ADIPOR2: variants seen among roughly 807,000 people sequenced by gnomAD.
ADIPOR2 encodes adiponectin receptor protein 2.
A neutral mutation model predicts 40.9 loss-of-function variants in ADIPOR2; 18 were observed. The ratio of observed to expected loss-of-function variants is 0.44; its 90% CI spans 0.30 to 0.65. ADIPOR2 has a LOEUF of 0.65. Among genes scored for constraint, ADIPOR2 ranks in the 30% least tolerant of loss-of-function variants. The pLI is 0.09. For missense variants in ADIPOR2, 283 were observed against 479.2 expected (o/e 0.59, Z 3.82); for synonymous variants, 165 against 166.4 (o/e 0.99, Z 0.06).
At chr12:1,771,426 G>A (rs1862492546) in intron 2 of ADIPOR2, among the ~76,000 whole-genome samples, 2 of 152,010 alleles carry the variant, frequency 1.3e-5, no homozygotes, top group South Asian at 4.2e-4. Flanking sequence ...CTTGTGGGTA[G>A]CAGTAATGAA....
intron 1 of ADIPOR2, among the ~76,000 whole-genome samples, chr12:1,752,136 G>A (rs2094770654): frequency 6.7e-6 from 1 of 150,174 alleles, no homozygotes; most frequent in South Asian, 2.1e-4. Context: ...TCACCATGTT[G>A]GCCAGGATGG....
intron 2 of ADIPOR2, among the ~76,000 whole-genome samples, chr12:1,761,775 A>G (rs1305340881): frequency 6.6e-6 from 1 of 152,096 alleles, no homozygotes; most frequent in Non-Finnish European, 1.5e-5. Context: ...CTAAGCCACC[A>G]CCATCTTCCA....
At chr12:1,767,697 A>G (rs189337343) in intron 2 of ADIPOR2, among the ~76,000 whole-genome samples, 4 of 152,336 alleles carry the variant, frequency 2.6e-5, no homozygotes, top group Non-Finnish European at 1.5e-5. Flanking sequence ...ACACTGCCCT[A>G]AAGAGTCCTA....
intron 2 of ADIPOR2, among the ~76,000 whole-genome samples, chr12:1,760,446 C>T (rs957038241): frequency 1.1e-4 from 16 of 152,188 alleles, no homozygotes; most frequent in African/African-American, 3.9e-4. Context: ...TTTTATCATC[C>T]CCTAAAGAAA....
intron 1 of ADIPOR2, among the ~76,000 whole-genome samples, chr12:1,691,592 C>T (rs2094627210): frequency 6.6e-6 from 1 of 152,212 alleles, no homozygotes; most frequent in Non-Finnish European, 1.5e-5. Context: ...CTGTTTTTAT[C>T]ACTTCTAGGA....
chr12:1,721,205 CTTTTTTTTTTT>C lies in ADIPOR2; in HGVS notation c.-87+30034_-87+30044del, dbSNP rs59268943. Among the ~76,000 whole-genome samples, 13 of 58,212 alleles carry C rather than the reference CTTTTTTTTTTT, an allele frequency of 2.2e-4. No individual in the cohort carries two copies. In the South Asian group the frequency reaches 9.2e-3, roughly 41 times the overall value. 38.2% of individuals were successfully genotyped at this position (58,212 alleles called of 152,430 possible). ...CTCAACCTAGGCAAAATAAAATAAA[CTTTTTTTTTTT>C]TTTTTTTTTTTTTTTTTTTGAGGTG... is the stretch of plus-strand genomic sequence containing the variant. On this transcript the variant is annotated intron_variant, in intron 1 of 7. Coordinates refer to ENST00000357103, the MANE Select transcript of ADIPOR2 (RefSeq NM_024551.3).
At chr12:1,773,026 A>G in intron 3 of ADIPOR2, 65 bp downstream of exon 3, 1 of 1,567,602 alleles carries the variant, frequency 6.4e-7, no homozygotes, top group Non-Finnish European at 8.7e-7. Context: ...AGAAACCTTT[A>G]AAGAGAGTGG....
At chr12:1,785,880 A>G in intron 7 of ADIPOR2, 64 bp from the exon 8 acceptor site, 1 of 1,583,804 alleles carries the variant, frequency 6.3e-7, no homozygotes, top group Non-Finnish European at 8.6e-7. Context: ...GATCCTAAGA[A>G]TCTTTAGCAG....
intron 1 of ADIPOR2, among the ~76,000 whole-genome samples, chr12:1,732,514 C>A (rs1302017390): frequency 6.6e-6 from 1 of 152,130 alleles, no homozygotes; most frequent in Non-Finnish European, 1.5e-5. Flanking sequence ...CTGAATAGTA[C>A]ACTGTTGTAT....
At chr12:1,756,250 A>C (rs1032662730) in intron 2 of ADIPOR2, among the ~76,000 whole-genome samples, 3 of 152,038 alleles carry the variant, frequency 2.0e-5, no homozygotes, top group African/African-American at 7.2e-5. Context: ...TCCCAGGTTC[A>C]AGTGATTCTC....
intron 1 of ADIPOR2, among the ~76,000 whole-genome samples, chr12:1,740,108 A>G (rs572413527): frequency 2.0e-5 from 3 of 152,344 alleles, no homozygotes; most frequent in Admixed American, 1.3e-4. Context: ...ATCTCAAAAA[A>G]AAAAAGAAGT....
intron 1 of ADIPOR2, among the ~76,000 whole-genome samples, chr12:1,730,489 C>T (rs958686967): frequency 4.0e-5 from 6 of 151,744 alleles, no homozygotes; most frequent in Middle Eastern, 3.2e-3. Flanking sequence ...CGGTGGCGGG[C>T]GCCTGTAGTC....
At chr12:1,720,746 C>CT (rs1279432363) in intron 1 of ADIPOR2, among the ~76,000 whole-genome samples, 1 of 152,266 alleles carries the variant, frequency 6.6e-6, no homozygotes, top group East Asian at 1.9e-4. Flanking sequence ...ATGGAATTGG[C>CT]TTGTAGCCTA....
intron 1 of ADIPOR2, among the ~76,000 whole-genome samples, chr12:1,727,578 C>T (rs1005782135): frequency 1.3e-5 from 2 of 152,112 alleles, no homozygotes; most frequent in African/African-American, 4.8e-5. Flanking sequence ...CACATGTGCT[C>T]CCTGGCACCC....
intron 1 of ADIPOR2, among the ~76,000 whole-genome samples, chr12:1,732,623 G>T (rs191525905): frequency 6.6e-6 from 1 of 152,282 alleles, no homozygotes; most frequent in East Asian, 1.9e-4. Context: ...ATAAACACTT[G>T]TATGCAAGTT....
intron 1 of ADIPOR2, among the ~76,000 whole-genome samples, chr12:1,709,593 T>C (rs941595722): frequency 4.6e-5 from 7 of 152,214 alleles, no homozygotes; most frequent in African/African-American, 1.7e-4. Flanking sequence ...TTTCTCTGAA[T>C]TTGTAACGTA....
At chr12:1,715,072 C>T (rs988659947) in intron 1 of ADIPOR2, among the ~76,000 whole-genome samples, 10 of 152,030 alleles carry the variant, frequency 6.6e-5, no homozygotes, top group Non-Finnish European at 1.2e-4. Context: ...TTGTTTCCTT[C>T]TGGGTGGTGG....
At chr12:1,781,135 A>C (rs761469755) in intron 6 of ADIPOR2, 59 bp downstream of exon 6, 19 of 1,451,596 alleles carry the variant, frequency 1.3e-5, no homozygotes, top group Non-Finnish European at 1.7e-5. Flanking sequence ...TAAATTCACT[A>C]TTTATTAAAG....
intron 1 of ADIPOR2, among the ~76,000 whole-genome samples, chr12:1,703,990 G>C (rs1012185299): frequency 3.6e-5 from 5 of 139,690 alleles, no homozygotes; most frequent in Non-Finnish European, 7.6e-5. Flanking sequence ...TGGGATTACA[G>C]ATGTGAACCG....
Sources: allele counts gnomAD v4.1 joint callset (sites outside exome capture counted in the v4.1 genomes callset), GRCh38; gene constraint gnomAD v4.1.1; transcripts MANE v1.5; gene names NCBI Gene and HGNC (gene_info 2026-07-23, HGNC 2026-07-21).